Variants in CAMK1D observed in about 807,000 individuals in gnomAD.
CAMK1D encodes the protein calcium/calmodulin dependent protein kinase ID.
In CAMK1D, 9 loss-of-function variants were observed where a neutral mutation model predicts 47.7. That is an observed-to-expected ratio of 0.19 (90% CI 0.11 to 0.33). CAMK1D has a LOEUF of 0.33. Ranked by LOEUF, CAMK1D falls within the 10% of genes least tolerant of loss-of-function variation. The pLI is 1.00. For synonymous variants in CAMK1D, 184 were observed against 184.9 expected (o/e 0.99, Z 0.04); for missense variants, 291 against 488.7 (o/e 0.60, Z 3.81).
intron 2 of CAMK1D, among the ~76,000 whole-genome samples, chr10:12,613,088 C>T (rs2132416266): frequency 6.6e-6 from 1 of 152,312 alleles, no homozygotes; most frequent in African/African-American, 2.4e-5. Context: ...CTTTTCCCTA[C>T]AGTTGAGGGC....
chr10:12,609,541 G>A (rs1309312722), intron 2 of CAMK1D, among the ~76,000 whole-genome samples: 2 of 152,142 alleles, frequency 1.3e-5, no homozygotes, highest in South Asian at 2.1e-4. Flanking sequence ...AGATCATCAG[G>A]CGTTAGATTC....
chr10:12,733,944 A>G (rs915167789), intron 3 of CAMK1D, among the ~76,000 whole-genome samples: 3 of 152,184 alleles, frequency 2.0e-5, no homozygotes, highest in Admixed American at 6.5e-5. Flanking sequence ...TGATCACATC[A>G]TAAGTGTCTC....
intron 1 of CAMK1D, among the ~76,000 whole-genome samples, chr10:12,551,068 C>A (rs1171527005): frequency 6.6e-6 from 1 of 152,230 alleles, no homozygotes; most frequent in Non-Finnish European, 1.5e-5. Context: ...GGGTCCCCAA[C>A]CCCTGGGCCA....
chr10:12,638,558 T>G (rs924296302), intron 2 of CAMK1D, among the ~76,000 whole-genome samples: 1 of 152,132 alleles, frequency 6.6e-6, no homozygotes, highest in Non-Finnish European at 1.5e-5. Flanking sequence ...AAGCCTTCCC[T>G]TGGCCCCCGA....
chr10:12,647,587 AG>A (rs1258336320), intron 2 of CAMK1D, among the ~76,000 whole-genome samples: 1 of 152,184 alleles, frequency 6.6e-6, no homozygotes, highest in Admixed American at 6.5e-5. Context: ...AGAGGGAGAG[AG>A]GCTGACTTTC....
At chr10:12,372,595 G>T (rs1021173286) in intron 1 of CAMK1D, among the ~76,000 whole-genome samples, 4 of 152,178 alleles carry the variant, frequency 2.6e-5, no homozygotes, top group African/African-American at 9.7e-5. Flanking sequence ...TGTTTCAGGG[G>T]TTCATAGGGA....
At chr10:12,603,732 C>A (rs1380226294) in intron 2 of CAMK1D, among the ~76,000 whole-genome samples, 1 of 152,312 alleles carries the variant, frequency 6.6e-6, no homozygotes, top group Admixed American at 6.5e-5. Context: ...CAACTCTTTG[C>A]TTCCCTTGCT....
At chr10:12,780,005 T>A (rs1011583997) in intron 5 of CAMK1D, among the ~76,000 whole-genome samples, 3 of 152,238 alleles carry the variant, frequency 2.0e-5, no homozygotes, top group Admixed American at 2.0e-4. Context: ...CCACGATAGA[T>A]ATCTTTGGTC....
At chr10:12,359,858 C>CCATTTATTTAAA (rs1837610509) in intron 1 of CAMK1D, among the ~76,000 whole-genome samples, 1 of 152,136 alleles carries the variant, frequency 6.6e-6, no homozygotes, top group Non-Finnish European at 1.5e-5. Context: ...TATGTATATA[C>CCATTTATTTAAA]CCCATAAGCA....
chr10:12,646,173 T>G (rs1299330768), intron 2 of CAMK1D, among the ~76,000 whole-genome samples: 2 of 152,170 alleles, frequency 1.3e-5, no homozygotes, highest in East Asian at 3.8e-4. Context: ...TGTAATTGAT[T>G]TTAAAAGATT....
At chr10:12,571,478 A>T (rs1029214242) in intron 2 of CAMK1D, among the ~76,000 whole-genome samples, 3 of 151,746 alleles carry the variant, frequency 2.0e-5, no homozygotes, top group Non-Finnish European at 4.4e-5. Flanking sequence ...AAAAGAAAAA[A>T]AAGAAATAAA....
At chr10:12,425,335 G>A (rs1361597157) in intron 1 of CAMK1D, among the ~76,000 whole-genome samples, 1 of 149,458 alleles carries the variant, frequency 6.7e-6, no homozygotes, top group African/African-American at 2.5e-5. Context: ...AGGCTGGGGT[G>A]CAATGGTGCA....
intron 3 of CAMK1D, among the ~76,000 whole-genome samples, chr10:12,712,582 G>A (rs1833976733): frequency 1.3e-5 from 2 of 152,104 alleles, no homozygotes; most frequent in Non-Finnish European, 1.5e-5. Flanking sequence ...TCACATGGTG[G>A]ACAAAAAGAG....
At chr10:12,403,080 A>G (rs1839285845) in intron 1 of CAMK1D, among the ~76,000 whole-genome samples, 2 of 150,858 alleles carry the variant, frequency 1.3e-5, no homozygotes, top group African/African-American at 4.9e-5. Flanking sequence ...TAAGCAATTT[A>G]TGTTGATCTG....
At chr10:12,536,161 A>G (rs925162141) in intron 1 of CAMK1D, among the ~76,000 whole-genome samples, 4 of 152,288 alleles carry the variant, frequency 2.6e-5, no homozygotes, top group Admixed American at 2.6e-4. Flanking sequence ...ATAAGTGAAC[A>G]GATTACCATG....
intron 5 of CAMK1D, among the ~76,000 whole-genome samples, chr10:12,785,037 A>C (rs891905431): frequency 6.6e-6 from 1 of 151,932 alleles, no homozygotes; most frequent in African/African-American, 2.4e-5. Flanking sequence ...TGGGAACCCA[A>C]CCGTTGTGCC....
At chr10:12,801,809 T>C (rs576485771) in intron 6 of CAMK1D, among the ~76,000 whole-genome samples, 113 of 152,344 alleles carry the variant, frequency 7.4e-4, no homozygotes, top group African/African-American at 2.7e-3. Flanking sequence ...TGACATATGT[T>C]CCAATATTTA....
chr10:12,531,141 TC>T (rs1835793377), intron 1 of CAMK1D, among the ~76,000 whole-genome samples: 1 of 152,168 alleles, frequency 6.6e-6, no homozygotes, highest in African/African-American at 2.4e-5. Flanking sequence ...GTGAGGCTTC[TC>T]CTGTGGAAAA....
chr10:12,385,581 T>C (rs1002914775), intron 1 of CAMK1D, among the ~76,000 whole-genome samples: 1 of 152,180 alleles, frequency 6.6e-6, no homozygotes, highest in Non-Finnish European at 1.5e-5. Flanking sequence ...AGATTAGTGG[T>C]TGCCTAAGGC....
Sources: allele counts gnomAD v4.1 joint callset (sites outside exome capture counted in the v4.1 genomes callset), GRCh38; gene constraint gnomAD v4.1.1; transcripts MANE v1.5; gene names NCBI Gene and HGNC (gene_info 2026-07-23, HGNC 2026-07-21).